The following FGF14 variants were observed in gnomAD, a reference collection of about 807,000 sequenced individuals.
FGF14 encodes fibroblast growth factor 14.
Under a neutral mutation model 25.5 loss-of-function variants are expected in FGF14, and 5 were observed. The observed-to-expected ratio is 0.20, with a 90% CI of 0.10 to 0.41. The LOEUF (loss-of-function observed/expected upper bound fraction) is 0.41. Ranked by LOEUF, FGF14 falls within the 10% of genes least tolerant of loss-of-function variation. FGF14 has a pLI of 1.00. For synonymous variants in FGF14, 138 were observed against 118.3 expected, an observed-to-expected ratio of 1.17 and a Z score of -1.08; for missense variants, 222 against 320.1, an observed-to-expected ratio of 0.69 and a Z score of 2.34.
intron 1 of FGF14, among the ~76,000 whole-genome samples, chr13:102,362,770 T>C (rs2057603107): frequency 6.6e-6 from 1 of 152,010 alleles, no homozygotes; most frequent in Non-Finnish European, 1.5e-5. Context: ...AAAAGAATTT[T>C]ATTTTGGTAT....
chr13:101,801,685 C>T (rs1021118636), intron 3 of FGF14, among the ~76,000 whole-genome samples: 1 of 152,118 alleles, frequency 6.6e-6, no homozygotes. Context: ...CAAGCTCCAG[C>T]AAGAACTGAG....
intron 1 of FGF14, among the ~76,000 whole-genome samples, chr13:102,160,975 T>A (rs544936421): frequency 6.6e-6 from 1 of 152,282 alleles, no homozygotes; most frequent in East Asian, 1.9e-4. Context: ...CCACTTCAAG[T>A]CATGCGTGCA....
intron 3 of FGF14, among the ~76,000 whole-genome samples, chr13:101,860,101 C>T (rs2044333600): frequency 6.6e-6 from 1 of 152,062 alleles, no homozygotes; most frequent in Admixed American, 6.6e-5. Context: ...AGGCTGATTT[C>T]TCCTTTGAGC....
intron 1 of FGF14, among the ~76,000 whole-genome samples, chr13:101,973,238 A>C (rs1245815467): frequency 6.6e-6 from 1 of 151,904 alleles, no homozygotes; most frequent in South Asian, 2.1e-4. Context: ...AAAAAAAGTT[A>C]TCCCCTTCCT....
intron 1 of FGF14, among the ~76,000 whole-genome samples, chr13:101,981,341 A>G (rs753712395): frequency 6.6e-6 from 1 of 152,170 alleles, no homozygotes; most frequent in Non-Finnish European, 1.5e-5. Context: ...ATGTAAGGAC[A>G]CAGCTAGAAG....
chr13:101,800,856 C>G (rs1375355470), intron 3 of FGF14, among the ~76,000 whole-genome samples: 1 of 151,922 alleles, frequency 6.6e-6, no homozygotes, highest in Non-Finnish European at 1.5e-5. Flanking sequence ...TGTGCTCTAA[C>G]AGAACTTTAT....
chr13:102,286,357 T>G (rs996192712), intron 1 of FGF14, among the ~76,000 whole-genome samples: 4 of 149,788 alleles, frequency 2.7e-5, no homozygotes, highest in African/African-American at 9.8e-5. Flanking sequence ...GTTCCACCTC[T>G]TCCACAAAAT....
Position 102,147,781 on chromosome 13 carries a change from T to C in FGF14, c.208+253690A>G, listed in dbSNP as rs546942881. 8.5e-5 allele frequency among the ~76,000 whole-genome samples: 13 copies of C among 152,336 alleles called. No homozygotes were observed. In the South Asian group the frequency reaches 1.9e-3, roughly 22 times the overall value. On this transcript the variant is annotated intron_variant, in intron 1 of 4. Coordinates refer to the FGF14 transcript ENST00000376131. ...ACTAAAAAAGCTGAACTTGAGTTAATTTACCTTCCTGTCAGTGATCTCAAG... is the reference window on the plus strand; with the variant it reads ...ACTAAAAAAGCTGAACTTGAGTTAACTTACCTTCCTGTCAGTGATCTCAAG...
At chr13:101,987,373 T>C (rs2038644575) in intron 1 of FGF14, among the ~76,000 whole-genome samples, 1 of 152,060 alleles carries the variant, frequency 6.6e-6, no homozygotes, top group African/African-American at 2.4e-5. Context: ...GAACTCTCCA[T>C]TTGCCATGAT....
At chr13:102,190,837 A>G (rs2049091937) in intron 1 of FGF14, among the ~76,000 whole-genome samples, 1 of 152,118 alleles carries the variant, frequency 6.6e-6, no homozygotes, top group Admixed American at 6.5e-5. Flanking sequence ...TTCTTTATTA[A>G]AGAAAAAACA....
chr13:102,129,752 G>A (rs936987123), intron 1 of FGF14, among the ~76,000 whole-genome samples: 4 of 151,890 alleles, frequency 2.6e-5, no homozygotes, highest in African/African-American at 9.7e-5. Context: ...TGAGTTAATG[G>A]GTGCAGCACA....
At chr13:102,335,324 C>T (rs1010479946) in intron 1 of FGF14, among the ~76,000 whole-genome samples, 3 of 152,072 alleles carry the variant, frequency 2.0e-5, no homozygotes, top group African/African-American at 7.2e-5. Flanking sequence ...CTGCTGAAAC[C>T]CCTGTTAGAT....
intron 1 of FGF14, among the ~76,000 whole-genome samples, chr13:102,059,870 C>CAAAAAA (rs1291466473): frequency 2.1e-5 from 3 of 139,754 alleles, no homozygotes; most frequent in African/African-American, 7.9e-5. Context: ...AAAACAAAAA[C>CAAAAAA]AAAAAAAAAA....
chr13:101,962,853 C>T (rs1211102716), intron 1 of FGF14, among the ~76,000 whole-genome samples: 12 of 152,152 alleles, frequency 7.9e-5, no homozygotes. Context: ...GATAAGAGCC[C>T]CTAACTTTGT....
intron 1 of FGF14, among the ~76,000 whole-genome samples, chr13:101,899,442 A>G (rs1271247808): frequency 1.3e-5 from 2 of 152,044 alleles, no homozygotes; most frequent in Admixed American, 1.3e-4. Flanking sequence ...ATCAAATGGA[A>G]GTTTTAAAAC....
chr13:102,240,399 C>T (rs986674186), intron 1 of FGF14, among the ~76,000 whole-genome samples: 2 of 152,284 alleles, frequency 1.3e-5, no homozygotes, highest in South Asian at 4.1e-4. Context: ...GCAAAGCATG[C>T]TTTCCTTGCC....
intron 3 of FGF14, among the ~76,000 whole-genome samples, chr13:101,844,754 G>C (rs1014556371): frequency 6.6e-6 from 1 of 151,848 alleles, no homozygotes; most frequent in South Asian, 2.1e-4. Flanking sequence ...ACAGCTATTT[G>C]CTTAGGAAAA....
At chr13:101,875,968 A>G (rs1194375894) in intron 1 of FGF14, among the ~76,000 whole-genome samples, 1 of 152,136 alleles carries the variant, frequency 6.6e-6, no homozygotes, top group Admixed American at 6.6e-5. Context: ...GTCAGCTCTG[A>G]GGCAATCAAA....
chr13:102,229,230 G>A (rs115691498), intron 1 of FGF14, among the ~76,000 whole-genome samples: 2,792 of 152,258 alleles, frequency 0.018, 84 homozygotes, highest in African/African-American at 0.064. Context: ...ATTACATTAA[G>A]CTCTGTTGTC....
Sources: gnomAD v4.1 joint callset for allele counts (sites outside exome capture counted in the v4.1 genomes callset) on GRCh38, gnomAD v4.1.1 for gene constraint, MANE v1.5 for transcripts, NCBI Gene and HGNC (gene_info 2026-07-23, HGNC 2026-07-21) for gene names.